Variants in ARHGEF12 observed in about 807,000 individuals in gnomAD.
The protein encoded by ARHGEF12 is KMT2A/ARHGEF12 fusion protein.
ARHGEF12 carries 66 observed loss-of-function variants against 211.2 expected under a neutral mutation model. The observed-to-expected ratio is 0.31, with a 90% confidence interval of 0.26 to 0.38. The LOEUF is 0.38. Among genes scored for constraint, ARHGEF12 ranks in the 10% least tolerant of loss-of-function variants. The pLI, the probability that ARHGEF12 is intolerant of heterozygous loss-of-function variation, is 1.00. For synonymous variants in ARHGEF12, 592 were observed against 638.4 expected (o/e 0.93, Z 1.09); for missense variants, 1,429 against 1,869.5 (o/e 0.76, Z 4.34).
chr11:120,471,975 G>A (rs759359822), intron 30 of ARHGEF12, among the ~76,000 whole-genome samples: 12 of 152,128 alleles, frequency 7.9e-5, no homozygotes, highest in Non-Finnish European at 1.5e-4. Context: ...CAGAAGAGTT[G>A]AAGTAACTTA....
chr11:120,482,267 A>G (rs1947267639), intron 39 of ARHGEF12, among the ~76,000 whole-genome samples: 1 of 152,190 alleles, frequency 6.6e-6, no homozygotes, highest in African/African-American at 2.4e-5. Context: ...GTAGCCTATT[A>G]TCTGTGACTC....
At chr11:120,429,868 C>A in intron 10 of ARHGEF12, 37 bp downstream of exon 10, 1 of 1,571,420 alleles carries the variant, frequency 6.4e-7, no homozygotes, top group South Asian at 1.2e-5. Context: ...CAACTTTTTG[C>A]AGGAGAATTT....
chr11:120,421,881 G>T, intron 6 of ARHGEF12, 29 bp downstream of exon 6: 2 of 1,574,400 alleles, frequency 1.3e-6, no homozygotes, highest in East Asian at 2.3e-5. Context: ...TAGAATTTAC[G>T]GTAGGATTAA....
intron 1 of ARHGEF12, among the ~76,000 whole-genome samples, chr11:120,354,347 T>G (rs1057239737): frequency 6.6e-6 from 1 of 152,220 alleles, no homozygotes; most frequent in African/African-American, 2.4e-5. Context: ...ACCATGATGT[T>G]ATGTTGCTGC....
intron 17 of ARHGEF12, 72 bp downstream of exon 17, chr11:120,446,580 C>T: frequency 1.7e-6 from 2 of 1,167,552 alleles, no homozygotes; most frequent in Non-Finnish European, 2.5e-6. Context: ...AAAAGTTGCT[C>T]ATTAAATACT....
intron 19 of ARHGEF12, 63 bp from the exon 20 acceptor site, chr11:120,448,170 TG>T (rs1428521533): frequency 1.5e-5 from 18 of 1,209,564 alleles, no homozygotes; most frequent in Non-Finnish European, 1.8e-5. Flanking sequence ...AATCATTTGA[TG>T]TCTTTATTCT....
intron 30 of ARHGEF12, 52 bp downstream of exon 30, chr11:120,469,440 T>G (rs758019516): frequency 7.3e-7 from 1 of 1,368,360 alleles, no homozygotes; most frequent in East Asian, 2.3e-5. Context: ...AACATTAAAT[T>G]AATATTACCT....
At chr11:120,372,087 A>G (rs1943605088) in intron 1 of ARHGEF12, among the ~76,000 whole-genome samples, 2 of 152,218 alleles carry the variant, frequency 1.3e-5, no homozygotes, top group Middle Eastern at 3.2e-3. Context: ...TGCTTTCAAC[A>G]TTTTTGTGTT....
intron 12 of ARHGEF12, among the ~76,000 whole-genome samples, chr11:120,437,583 A>C (rs1261409243): frequency 6.6e-6 from 1 of 152,130 alleles, no homozygotes; most frequent in Non-Finnish European, 1.5e-5. Flanking sequence ...GTTCCTTCAT[A>C]TTTGTCGTGG....
chr11:120,384,320 A>G (rs1456853521), intron 1 of ARHGEF12, among the ~76,000 whole-genome samples: 1 of 152,208 alleles, frequency 6.6e-6, no homozygotes, highest in African/African-American at 2.4e-5. Context: ...ATGTGGATAG[A>G]GTGATTACTG....
In ARHGEF12 at chr11:120,392,449, T is replaced by C. The variant is rs773735895; in HGVS notation, c.33-13669T>C. Among the ~76,000 whole-genome samples, 12 of 152,298 alleles carry C rather than the reference T, an allele frequency of 7.9e-5. No individual in the cohort carries two copies. The South Asian group carries it at 8.3e-4, about 11-fold the overall frequency. On this transcript the variant is annotated intron_variant, in intron 1 of 40. Transcript: ENST00000397843. ...AAGCTGCTTGAGAGCAAGGACCTTA[T>C]CTGTTCATTAACGTAACCTCCAGTG... is the stretch of plus-strand genomic sequence containing the variant.
chr11:120,429,620 G>A (rs775890894), intron 9 of ARHGEF12, 92 bp from the exon 10 acceptor site: 32 of 1,549,394 alleles, frequency 2.1e-5, no homozygotes, highest in Non-Finnish European at 2.7e-5. Flanking sequence ...TGTAACCAAT[G>A]CCATTAGTTA....
At chr11:120,400,890 G>C (rs1944532570) in intron 1 of ARHGEF12, among the ~76,000 whole-genome samples, 1 of 152,170 alleles carries the variant, frequency 6.6e-6, no homozygotes. Flanking sequence ...TTACATGCTA[G>C]TGAATCATTT....
Position 120,473,143 on chromosome 11 carries a change from A to G in ARHGEF12, c.3033+16A>G, listed in dbSNP as rs1946920151. 1.2e-6 allele frequency: 2 copies of G among 1,607,654 alleles called. No homozygotes were observed. Among genetic ancestry groups the G allele is most frequent in the Non-Finnish European group, 1.7e-6 (2 of 1,176,474 alleles). On this transcript the variant is annotated intron_variant, in intron 31 of 40. Transcript: ENST00000397843. ...AGAGCTCAGGGTGAGAGATGGTCTA[A>G]TCATAATTTAAAAAATAAAATAAAA...
intron 4 of ARHGEF12, chr11:120,410,614 G>A (rs1944855575): frequency 6.6e-6 from 1 of 152,060 alleles, no homozygotes; most frequent in Non-Finnish European, 1.5e-5. Flanking sequence ...ATACTTTTTA[G>A]TATTATGAAA....
At chr11:120,455,748 A>G (rs115827581) in intron 22 of ARHGEF12, among the ~76,000 whole-genome samples, 1,697 of 152,326 alleles carry the variant, frequency 0.011, 31 homozygotes, top group African/African-American at 0.039. Context: ...AACATCACAG[A>G]TAAGAAAATG....
chr11:120,341,765 T>C (rs1433553244), intron 1 of ARHGEF12, among the ~76,000 whole-genome samples: 5 of 152,256 alleles, frequency 3.3e-5, no homozygotes, highest in Non-Finnish European at 4.4e-5. Flanking sequence ...GTCTTTTCTG[T>C]TAAAACTTGG....
chr11:120,449,407 A>T (rs1303749236), intron 21 of ARHGEF12, 193 bp downstream of exon 21: 11 of 532,770 alleles, frequency 2.1e-5, no homozygotes, highest in Non-Finnish European at 3.6e-5. Context: ...ATTGTCATAA[A>T]CATCTTTCGT....
At position 120,484,487 on chromosome 11, in the gene ARHGEF12, C is replaced by T. The variant is rs1454462950; in HGVS notation, c.4604C>T (p.Ala1535Val). 6.2e-7 allele frequency: 1 copy of T among 1,614,034 alleles called. No individual in the cohort carries two copies. The highest frequency in any genetic ancestry group is 1.7e-5 in the Admixed American group (1 of 60,018). Residue 1535 changes from alanine (A) to valine (V), a missense_variant, in exon 40 of 41, where the codon GCC becomes GTC. By Grantham distance (64) the Ala-to-Val change is moderately conservative. Transcript: ENST00000397843. Reference protein sequence around the residue: ...TILCQRLAGSALTDKHSDKS With the variant: ...TILCQRLAGSVLTDKHSDKS Reference sequence around the variant, plus strand: ...CTTTGCCAAAGGCTGGCTGGATCAGCCCTCACAGACAAGCACTCAGGTATG... The same window carrying T: ...CTTTGCCAAAGGCTGGCTGGATCAGTCCTCACAGACAAGCACTCAGGTATG...
Sources: allele counts gnomAD v4.1 joint callset (sites outside exome capture counted in the v4.1 genomes callset), GRCh38; gene constraint gnomAD v4.1.1; transcripts MANE v1.5; gene names NCBI Gene and HGNC (gene_info 2026-07-23, HGNC 2026-07-21).